Variants in NEDD4L observed in about 807,000 individuals in gnomAD.
NEDD4L encodes the protein NEDD4 like E3 ubiquitin protein ligase.
NEDD4L carries 54 observed loss-of-function variants against 148.9 expected under a neutral mutation model. That is an observed-to-expected ratio of 0.36 (90% CI 0.29 to 0.45). The LOEUF is 0.45. Ranked by LOEUF, NEDD4L falls within the 20% of genes least tolerant of loss-of-function variation. The pLI, the probability that NEDD4L is intolerant of heterozygous loss-of-function variation, is 1.00. For missense variants in NEDD4L, 856 were observed against 1,233.8 expected (o/e 0.69, Z 4.59); for synonymous variants, 433 against 440.7 (o/e 0.98, Z 0.22).
intron 24 of NEDD4L, among the ~76,000 whole-genome samples, chr18:58,381,579 C>T (rs952561450): frequency 6.6e-6 from 1 of 152,136 alleles, no homozygotes; most frequent in Admixed American, 6.5e-5. Flanking sequence ...TGAGTGTAGC[C>T]GAGCTGTACC....
intron 5 of NEDD4L, among the ~76,000 whole-genome samples, chr18:58,295,896 C>T (rs895835094): frequency 2.6e-5 from 4 of 151,768 alleles, no homozygotes; most frequent in African/African-American, 9.7e-5. Context: ...TTAGGGGCGA[C>T]AGTTGTTTTA....
chr18:58,288,234 C>T (rs1446784004), intron 5 of NEDD4L, among the ~76,000 whole-genome samples: 1 of 152,214 alleles, frequency 6.6e-6, no homozygotes, highest in Non-Finnish European at 1.5e-5. Flanking sequence ...AGAGAGAAAA[C>T]ATCTGCTGAA....
chr18:58,333,877 G>A lies in NEDD4L; in HGVS notation c.1050G>A (p.Gln350=). The A allele has an allele frequency of 6.2e-7, 1 of 1,612,996 alleles. No homozygotes were observed. The highest frequency in any genetic ancestry group is 1.6e-4 in the Middle Eastern group (1 of 6,062). ...SCSVTDAVAE[Q]GHLPPPSAPA... ...GTGTCACCGACGCAGTTGCAGAACA[G>A]GGCCATCTACCACCGGTAACCCATG... The change falls in exon 12 of 31, where the codon CAG becomes CAA. Residue 350 remains glutamine (Q), a synonymous_variant. Coordinates refer to ENST00000400345, the MANE Select transcript of NEDD4L (RefSeq NM_001144967.3).
Position 58,046,233 on chromosome 18 carries a change from A to G in NEDD4L, c.48+1525A>G, listed in dbSNP as rs986443609. 6 of 152,266 alleles carry G rather than the reference A, an allele frequency of 3.9e-5. No homozygotes were observed. The East Asian group carries it at 1.2e-3, about 29-fold the overall frequency. The allele number at this position is 152,266 out of a possible 1,614,324, so 9.4% of individuals were successfully genotyped here. On this transcript the variant is annotated intron_variant, in intron 1 of 30. Transcript: ENST00000400345. ...CTACCTGGGGATAGGTGACAGTAGC[A>G]TTGTTTCATTGACCCGGGGGGCTTC...
chr18:58,182,448 T>A (rs1023870426), intron 2 of NEDD4L, among the ~76,000 whole-genome samples: 1 of 152,054 alleles, frequency 6.6e-6, no homozygotes, highest in African/African-American at 2.4e-5. Context: ...ACATTAAGAT[T>A]TATTCTCTGG....
rs563329655 is a variant in NEDD4L, at chr18:58,234,342, C to T, written c.123-11085C>T. 5.7e-5 allele frequency among the ~76,000 whole-genome samples: 8 copies of T among 140,280 alleles called. No individual in the cohort carries two copies. The South Asian group carries it at 2.0e-3, about 34-fold the overall frequency. The allele number at this position is 140,280 out of a possible 152,430, so 92.0% of individuals were successfully genotyped here. A position where few individuals can be genotyped will look rare whatever the true frequency, so the allele number is the denominator to read the frequency against. On this transcript the variant is annotated intron_variant, in intron 2 of 30. Transcript: ENST00000400345. ...TCCCTCCTTCTCTCCCTCCCTCCCT[C>T]CTTCCCTCCCTCAGGGTCTTGTTCT... is the stretch of plus-strand genomic sequence containing the variant.
intron 2 of NEDD4L, among the ~76,000 whole-genome samples, chr18:58,185,273 G>A (rs1206046115): frequency 1.3e-5 from 2 of 152,130 alleles, no homozygotes; most frequent in Non-Finnish European, 1.5e-5. Flanking sequence ...CTTGGAATTA[G>A]CACCATTAGT....
intron 1 of NEDD4L, among the ~76,000 whole-genome samples, chr18:58,081,382 A>AT (rs2145107005): frequency 6.6e-6 from 1 of 151,692 alleles, no homozygotes; most frequent in African/African-American, 2.4e-5. Flanking sequence ...CGCCCGGCTA[A>AT]TTTTTTATAT....
chr18:58,241,025 G>A (rs1330200535), intron 2 of NEDD4L, among the ~76,000 whole-genome samples: 1 of 152,064 alleles, frequency 6.6e-6, no homozygotes, highest in Non-Finnish European at 1.5e-5. Context: ...GTCCAGGCTG[G>A]TCCGGAATTC....
At chr18:58,259,250 A>G (rs546980037) in intron 5 of NEDD4L, among the ~76,000 whole-genome samples, 2 of 152,240 alleles carry the variant, frequency 1.3e-5, no homozygotes, top group Non-Finnish European at 2.9e-5. Context: ...GAAAAAATAC[A>G]GGGGAAACCC....
At position 58,344,116 on chromosome 18, in the gene NEDD4L, C is replaced by A. The variant is rs889654333; in HGVS notation, c.1575+1013C>A. Among the ~76,000 whole-genome samples the A allele has an allele frequency of 8.5e-5, 13 of 152,246 alleles. No individual in the cohort carries two copies. In the East Asian group the frequency reaches 2.5e-3, roughly 29 times the overall value. ...TGGCCCTAGCTCTTCGGTCTTGGAC[C>A]AACAATAAACATACACCATTAATTC... On this transcript the variant is annotated intron_variant, in intron 16 of 30. Transcript: ENST00000400345.
intron 5 of NEDD4L, among the ~76,000 whole-genome samples, chr18:58,280,928 C>T (rs960979167): frequency 2.2e-4 from 34 of 152,124 alleles, no homozygotes; most frequent in Non-Finnish European, 4.9e-4. Context: ...TTACTTTCCA[C>T]TAATGTGACA....
intron 2 of NEDD4L, among the ~76,000 whole-genome samples, chr18:58,190,117 T>G (rs1337307813): frequency 8.5e-5 from 13 of 152,234 alleles, no homozygotes; most frequent in Admixed American, 8.5e-4. Context: ...TTTCTGAATT[T>G]CTAAATTTTC....
chr18:58,347,660 T>G (rs947058791), intron 16 of NEDD4L, among the ~76,000 whole-genome samples: 1 of 152,194 alleles, frequency 6.6e-6, no homozygotes, highest in African/African-American at 2.4e-5. Flanking sequence ...AAAAAATATA[T>G]TGGGTTCAGG....
intron 13 of NEDD4L, among the ~76,000 whole-genome samples, chr18:58,336,383 C>T (rs568584241): frequency 1.3e-5 from 2 of 152,128 alleles, no homozygotes; most frequent in African/African-American, 4.8e-5. Context: ...CGAGACCATC[C>T]TGGCTAACAC....
chr18:58,336,369 A>G (rs981138852), intron 13 of NEDD4L, among the ~76,000 whole-genome samples: 11 of 152,042 alleles, frequency 7.2e-5, no homozygotes, highest in Non-Finnish European at 1.5e-4. Context: ...TGAGGTCAGG[A>G]GATCGAGACC....
intron 1 of NEDD4L, among the ~76,000 whole-genome samples, chr18:58,148,034 C>T (rs1227877067): frequency 6.7e-6 from 1 of 150,340 alleles, no homozygotes; most frequent in African/African-American, 2.5e-5. Flanking sequence ...AGGAGTCCAC[C>T]CCTCTCTCCC....
intron 13 of NEDD4L, among the ~76,000 whole-genome samples, chr18:58,340,232 C>T (rs1367257832): frequency 1.3e-5 from 2 of 152,188 alleles, no homozygotes; most frequent in Non-Finnish European, 2.9e-5. Flanking sequence ...TTCAGTGTTT[C>T]TCCATCCACA....
At chr18:58,077,322 A>G (rs565210728) in intron 1 of NEDD4L, among the ~76,000 whole-genome samples, 11 of 151,944 alleles carry the variant, frequency 7.2e-5, no homozygotes, top group African/African-American at 2.4e-4. Context: ...ATGTACTACC[A>G]TGCCCAGCTA....
Sources: gnomAD v4.1 joint callset for allele counts (sites outside exome capture counted in the v4.1 genomes callset) on GRCh38, gnomAD v4.1.1 for gene constraint, MANE v1.5 for transcripts, NCBI Gene and HGNC (gene_info 2026-07-23, HGNC 2026-07-21) for gene names.